Variants in VRTN observed in about 807,000 individuals in gnomAD.
VRTN encodes the protein vertebrae development associated, also known as vertnin.
In VRTN, 5 loss-of-function variants were observed where a neutral mutation model predicts 18.2. The observed-to-expected ratio is 0.27, with a 90% CI of 0.14 to 0.58. The LOEUF is 0.58. Among genes scored for constraint, VRTN ranks in the 20% least tolerant of loss-of-function variants. The pLI is 0.91. For synonymous variants in VRTN, 381 were observed against 393.7 expected, an observed-to-expected ratio of 0.97 and a Z score of 0.38; for missense variants, 741 against 939.4, an observed-to-expected ratio of 0.79 and a Z score of 2.76.
chr14:74,357,371 C>T lies in VRTN; in HGVS notation c.588C>T (p.Leu196=). 6.2e-7 allele frequency: 1 copy of T among 1,613,962 alleles called. No individual in the cohort carries two copies. Among genetic ancestry groups the T allele is most frequent in the Non-Finnish European group, 8.5e-7 (1 of 1,180,036 alleles). The change falls in exon 2 of 2, where the codon CTC becomes CTT. Residue 196 remains leucine, a synonymous_variant. Transcript: ENST00000256362. The surrounding 1 kb of genome is among the most constrained non-coding windows in gnomAD (Gnocchi z 7.8). ...NIYSIYPMRN[L]KIRPYFNRVI... The stretch of plus-strand genomic sequence containing the variant: ...ACTCCATCTACCCCATGCGCAACCT[C>T]AAGATCCGGCCCTACTTCAACCGTG...
chr14:74,327,279 A>G (rs994535155), intron 1 of VRTN, among the ~76,000 whole-genome samples: 6 of 152,168 alleles, frequency 3.9e-5, no homozygotes, highest in African/African-American at 9.7e-5. Flanking sequence ...GGTCCACAGT[A>G]GTGACAGGAT....
chr14:74,324,908 A>G (rs1397001425), intron 1 of VRTN, among the ~76,000 whole-genome samples: 1 of 152,018 alleles, frequency 6.6e-6, no homozygotes, highest in African/African-American at 2.4e-5. Flanking sequence ...AATAAATACA[A>G]TAAATAAATA....
Position 74,358,822 on chromosome 14 carries a change from T to C in VRTN, c.2039T>C (p.Leu680Pro). Residue 680 changes from leucine (L) to proline (P), a missense_variant, in exon 2 of 2, where the codon CTC becomes CCC. Around this residue, in one of 3 missense-constraint regions of VRTN, gnomAD observed 61 missense variants for 104.6 expected, o/e 0.58. Transcript: ENST00000256362. This position sits in a 1 kb window ranked among gnomAD's most constrained non-coding sequence, Gnocchi z 5.4. ...SYKEFSALFP[L>P]TARSTYYMWK... is the part of the protein sequence containing the mutation. ...AAGGAGTTCAGTGCCCTCTTTCCCC[T>C]CACTGCCCGCTCCACATACTACATG... 1 of 1,614,196 alleles carries C rather than the reference T, an allele frequency of 6.2e-7. No homozygotes were observed. The highest frequency in any genetic ancestry group is 1.1e-5 in the South Asian group (1 of 91,088).
At chr14:74,354,597 G>T (rs1218607883) in intron 1 of VRTN, among the ~76,000 whole-genome samples, 1 of 151,844 alleles carries the variant, frequency 6.6e-6, no homozygotes, top group African/African-American at 2.4e-5. Context: ...TAGAGACGGG[G>T]TTTCACCACA....
At chr14:74,314,524 G>A (rs1405944104) in intron 1 of VRTN, among the ~76,000 whole-genome samples, 1 of 150,326 alleles carries the variant, frequency 6.7e-6, no homozygotes, top group Non-Finnish European at 1.5e-5. Flanking sequence ...AGCCTCCTGA[G>A]TAGCTGGGAC....
intron 1 of VRTN, among the ~76,000 whole-genome samples, chr14:74,324,483 C>A (rs974063677): frequency 6.6e-6 from 1 of 151,674 alleles, no homozygotes; most frequent in African/African-American, 2.4e-5. Flanking sequence ...ACACATACTT[C>A]TCAGAAATAC....
At chr14:74,349,726 A>C (rs2085671322) in intron 1 of VRTN, among the ~76,000 whole-genome samples, 1 of 152,166 alleles carries the variant, frequency 6.6e-6, no homozygotes, top group Non-Finnish European at 1.5e-5. Flanking sequence ...GAGACCCCAT[A>C]TGCTTGAAAT....
intron 1 of VRTN, among the ~76,000 whole-genome samples, chr14:74,316,503 A>G (rs2085420196): frequency 6.6e-6 from 1 of 151,664 alleles, no homozygotes; most frequent in Non-Finnish European, 1.5e-5. Context: ...ACAAAGCGAG[A>G]CATCTCAAAC....
intron 1 of VRTN, among the ~76,000 whole-genome samples, chr14:74,334,589 G>T (rs951835952): frequency 3.3e-5 from 5 of 152,264 alleles, no homozygotes; most frequent in Non-Finnish European, 7.4e-5. Flanking sequence ...CTGAGTCTGA[G>T]AGAACTCATA....
At chr14:74,331,167 A>G (rs1055292504) in intron 1 of VRTN, among the ~76,000 whole-genome samples, 2 of 150,424 alleles carry the variant, frequency 1.3e-5, no homozygotes, top group Admixed American at 6.7e-5. Context: ...GCGCCACTGC[A>G]CTCCAGACTG....
chr14:74,318,473 G>T (rs2042808609), intron 1 of VRTN, among the ~76,000 whole-genome samples: 1 of 152,094 alleles, frequency 6.6e-6, no homozygotes, highest in African/African-American at 2.4e-5. Context: ...GTTTCTCCAT[G>T]TTGGTCAGGC....
chr14:74,319,547 T>C (rs1042567388), intron 1 of VRTN, among the ~76,000 whole-genome samples: 2 of 152,078 alleles, frequency 1.3e-5, no homozygotes, highest in African/African-American at 4.8e-5. Context: ...TACCATTTAC[T>C]GGGGTTGGGA....
chr14:74,320,898 T>TAAAAAA (rs766559301), intron 1 of VRTN, among the ~76,000 whole-genome samples: 1 of 83,602 alleles, frequency 1.2e-5, no homozygotes. Flanking sequence ...CCCATCTCTT[T>TAAAAAA]AAAAAAAAAA....
chr14:74,318,959 C>A (rs1406482378), intron 1 of VRTN, among the ~76,000 whole-genome samples: 3 of 152,038 alleles, frequency 2.0e-5, no homozygotes, highest in African/African-American at 7.3e-5. Flanking sequence ...AAGTGATCGA[C>A]CTGCCTCGGC....
In VRTN at chr14:74,357,279, T is replaced by C; in HGVS notation, c.496T>C (p.Phe166Leu). 1 of 1,613,420 alleles carries C rather than the reference T, an allele frequency of 6.2e-7. No homozygotes were observed. Among genetic ancestry groups the C allele is most frequent in the Non-Finnish European group, 8.5e-7 (1 of 1,179,450 alleles). ...IFDADVKASC[F>L]PSSFSNVWHL... Reference sequence around the variant, plus strand: ...CGATGCCGACGTCAAGGCCTCCTGTTTCCCCAGCAGCTTCTCCAACGTGTG... The same window carrying C: ...CGATGCCGACGTCAAGGCCTCCTGTCTCCCCAGCAGCTTCTCCAACGTGTG... The change falls in exon 2 of 2, where the codon TTC becomes CTC. Residue 166 changes from phenylalanine (F) to leucine (L), a missense_variant. Coordinates refer to ENST00000256362, the MANE Select transcript of VRTN (RefSeq NM_018228.3). The surrounding 1 kb of genome is among the most constrained non-coding windows in gnomAD (Gnocchi z 7.8).
intron 1 of VRTN, among the ~76,000 whole-genome samples, chr14:74,355,194 A>G (rs918351415): frequency 1.3e-5 from 2 of 151,794 alleles, no homozygotes; most frequent in African/African-American, 4.8e-5. Context: ...AAAAATTGAG[A>G]TTTTCAGATG....
intron 1 of VRTN, among the ~76,000 whole-genome samples, chr14:74,349,441 G>A (rs531584564): frequency 1.3e-5 from 2 of 152,320 alleles, no homozygotes; most frequent in South Asian, 2.1e-4. Flanking sequence ...GGGGAGAATC[G>A]AACCCACAGC....
intron 1 of VRTN, among the ~76,000 whole-genome samples, chr14:74,332,041 C>T (rs1447673292): frequency 1.3e-5 from 2 of 152,074 alleles, no homozygotes; most frequent in Non-Finnish European, 2.9e-5. Context: ...CCTTAAAAGA[C>T]TGTGCCCATA....
chr14:74,324,289 G>A (rs1376704409), intron 1 of VRTN, among the ~76,000 whole-genome samples: 2 of 150,240 alleles, frequency 1.3e-5, no homozygotes, highest in Non-Finnish European at 3.0e-5. Flanking sequence ...TCGGGAGGCT[G>A]AGGCAGGAGA....
Sources: gnomAD v4.1 joint callset for allele counts (sites outside exome capture counted in the v4.1 genomes callset) on GRCh38, gnomAD v4.1.1 for gene constraint, gnomAD v4.1.1 regional missense constraint, Gnocchi (gnomAD v3.1) non-coding constraint, MANE v1.5 for transcripts, NCBI Gene and HGNC (gene_info 2026-07-23, HGNC 2026-07-21) for gene names.